Variants in FBN2 observed in about 807,000 individuals in gnomAD.
The protein encoded by FBN2 is fibrillin 2.
In FBN2, 105 loss-of-function variants were observed where a neutral mutation model predicts 355.6. That is an observed-to-expected ratio of 0.30 (90% CI 0.25 to 0.35). The LOEUF is 0.35. Ranked by LOEUF, FBN2 falls within the 10% of genes least tolerant of loss-of-function variation. The probability of loss-of-function intolerance (pLI) is 1.00; values close to 1 mark genes in which losing one functional copy is unlikely to be tolerated. For synonymous variants in FBN2, 1,350 were observed against 1,301.2 expected, an observed-to-expected ratio of 1.04 and a Z score of -0.81; for missense variants, 3,280 against 3,758.7, an observed-to-expected ratio of 0.87 and a Z score of 3.33.
chr5:128,301,028 A>C, intron 47 of FBN2, 92 bp from the exon 48 acceptor site: 2 of 1,212,104 alleles, frequency 1.7e-6, no homozygotes, highest in Non-Finnish European at 2.4e-6. Context: ...ACATGAATTC[A>C]ACTCGGGTCC....
At chr5:128,388,828 C>T (rs991832153) in intron 11 of FBN2, among the ~76,000 whole-genome samples, 12 of 152,098 alleles carry the variant, frequency 7.9e-5, no homozygotes, top group African/African-American at 2.9e-4. Context: ...AGTTTGTCAT[C>T]TTGTACAGTA....
intron 2 of FBN2, among the ~76,000 whole-genome samples, chr5:128,531,506 T>C (rs1170954148): frequency 1.3e-5 from 2 of 152,074 alleles, no homozygotes. Context: ...AAATCACCAC[T>C]AAAGGACATA....
intron 7 of FBN2, among the ~76,000 whole-genome samples, chr5:128,410,476 T>C (rs1421793834): frequency 6.6e-6 from 1 of 152,228 alleles, no homozygotes; most frequent in Non-Finnish European, 1.5e-5. Flanking sequence ...CTTCTCACTC[T>C]CTTAACATCT....
intron 5 of FBN2, among the ~76,000 whole-genome samples, chr5:128,516,184 C>G (rs1312598356): frequency 6.6e-6 from 1 of 152,128 alleles, no homozygotes; most frequent in East Asian, 1.9e-4. Context: ...AGGGAAAAAA[C>G]CCATCAGGTC....
In FBN2 at chr5:128,310,388, ATATATATATATATATTTTTTTTT is replaced by A. The variant is rs1172139937; in HGVS notation, c.5075-303_5075-281del. On this transcript the variant is annotated intron_variant, in intron 39 of 64. Coordinates refer to ENST00000262464, the MANE Select transcript of FBN2 (RefSeq NM_001999.4). Reference sequence around the variant, plus strand: ...CACATATATATATATATATATATATATATATATATATATATTTTTTTTTTTTTTTTTTTATTGCAATTCGCATT... The same window carrying A: ...CACATATATATATATATATATATATATTTTTTTTTTATTGCAATTCGCATT... Among the ~76,000 whole-genome samples the A allele has an allele frequency of 3.2e-4, 24 of 74,072 alleles. 1 individual carries two copies. Among genetic ancestry groups the A allele is most frequent in the Non-Finnish European group, 5.0e-4 (21 of 42,084 alleles). 48.6% of individuals were successfully genotyped at this position (74,072 alleles called of 152,430 possible). A position where few individuals can be genotyped will look rare whatever the true frequency, so the allele number is the denominator to read the frequency against.
intron 5 of FBN2, among the ~76,000 whole-genome samples, chr5:128,477,327 G>A (rs1300790628): frequency 6.6e-6 from 1 of 152,034 alleles, no homozygotes; most frequent in African/African-American, 2.4e-5. Context: ...ACAGAGAAAT[G>A]GGGAATATCA....
chr5:128,387,936 G>C (rs1476183627), intron 11 of FBN2, among the ~76,000 whole-genome samples: 3 of 152,132 alleles, frequency 2.0e-5, no homozygotes, highest in African/African-American at 4.8e-5. Flanking sequence ...AATACTGTCA[G>C]TGGGGTGTTA....
intron 53 of FBN2, among the ~76,000 whole-genome samples, chr5:128,288,157 C>A (rs1261845430): frequency 6.6e-6 from 1 of 152,098 alleles, no homozygotes; most frequent in Non-Finnish European, 1.5e-5. Flanking sequence ...ACTGAAAAGG[C>A]AGGAAACTGT....
chr5:128,512,632 T>C (rs1305772386), intron 5 of FBN2, among the ~76,000 whole-genome samples: 1 of 152,176 alleles, frequency 6.6e-6, no homozygotes, highest in African/African-American at 2.4e-5. Context: ...CATTTCTTGT[T>C]TAAATCTCAT....
At chr5:128,412,713 T>C (rs762302680) in intron 7 of FBN2, among the ~76,000 whole-genome samples, 1 of 152,222 alleles carries the variant, frequency 6.6e-6, no homozygotes, top group Non-Finnish European at 1.5e-5. Context: ...TGCTAAATCC[T>C]GAAAAGCCAA....
intron 7 of FBN2, 39 bp downstream of exon 7, chr5:128,446,442 G>C: frequency 6.2e-7 from 1 of 1,609,086 alleles, no homozygotes; most frequent in Non-Finnish European, 8.5e-7. Flanking sequence ...TTGCATTAAA[G>C]TCACAATTAG....
At chr5:128,442,388 A>C in intron 7 of FBN2, 1 of 456,468 alleles carries the variant, frequency 2.2e-6, no homozygotes, top group South Asian at 1.6e-5. Flanking sequence ...ATTCAAACGA[A>C]AATACTTTAT....
intron 5 of FBN2, among the ~76,000 whole-genome samples, chr5:128,517,747 A>T (rs991540357): frequency 6.6e-5 from 10 of 152,190 alleles, no homozygotes; most frequent in Non-Finnish European, 1.0e-4. Flanking sequence ...TTAAAATATA[A>T]GGCTTTTTCA....
At position 128,394,536 on chromosome 5, in the gene FBN2, G is replaced by GCTCT. The variant is rs1253419334; in HGVS notation, c.1231+582_1231+585dup. ...AGTTTTCTTCCTCATAGATATTTGA[G>GCTCT]CTCTGGATGAAAGATCAGGAGGTTT... On this transcript the variant is annotated intron_variant, in intron 9 of 64. Coordinates refer to ENST00000262464, the MANE Select transcript of FBN2 (RefSeq NM_001999.4). 6.6e-5 allele frequency among the ~76,000 whole-genome samples: 10 copies of GCTCT among 152,230 alleles called. No homozygotes were observed. In the South Asian group the frequency reaches 8.3e-4, roughly 13 times the overall value.
chr5:128,521,415 G>A (rs1432371219), intron 4 of FBN2, among the ~76,000 whole-genome samples: 2 of 152,216 alleles, frequency 1.3e-5, no homozygotes, highest in East Asian at 3.9e-4. Flanking sequence ...TAATGCATGC[G>A]GGGCTTAATA....
At chr5:128,297,245 C>T (rs185330999) in intron 48 of FBN2, among the ~76,000 whole-genome samples, 3 of 152,212 alleles carry the variant, frequency 2.0e-5, no homozygotes, top group Admixed American at 6.5e-5. Context: ...CTGAGGAGAG[C>T]TTTACTTCCA....
At chr5:128,518,677 A>T (rs1214540778) in intron 5 of FBN2, among the ~76,000 whole-genome samples, 2 of 152,142 alleles carry the variant, frequency 1.3e-5, no homozygotes, top group African/African-American at 2.4e-5. Context: ...CTGTCTCAAG[A>T]GGTGAAGAAG....
In FBN2 at chr5:128,336,086, T is replaced by A. The variant is rs527944843; in HGVS notation, c.3626A>T (p.Asn1209Ile). The change falls in exon 28 of 65, where the codon AAT becomes ATT. Residue 1209 changes from asparagine to isoleucine, a missense_variant. This residue lies in a region of FBN2 where 2,284 missense variants were observed against 2,749.5 expected (regional missense o/e 0.83). Coordinates refer to ENST00000262464, the MANE Select transcript of FBN2 (RefSeq NM_001999.4). Reference protein sequence around the residue: ...VDINECSLSDNLCRNGKCVNM... With the variant: ...VDINECSLSDILCRNGKCVNM... ...CACACATTTTCCATTTCTGCAGAGA[T>A]TGTCACTCAGGGAGCATTCATTAAT... 4 of 1,613,522 alleles carry A rather than the reference T, an allele frequency of 2.5e-6. No homozygotes were observed. The East Asian group carries it at 6.7e-5, about 27-fold the overall frequency.
At chr5:128,307,109 A>C in intron 42 of FBN2, 26 bp downstream of exon 42, 1 of 1,491,844 alleles carries the variant, frequency 6.7e-7, no homozygotes, top group Non-Finnish European at 9.4e-7. Context: ...TATGTATTAA[A>C]ACAAACATAA....
Sources: gnomAD v4.1 joint callset for allele counts (sites outside exome capture counted in the v4.1 genomes callset) on GRCh38, gnomAD v4.1.1 for gene constraint, gnomAD v4.1.1 regional missense constraint, MANE v1.5 for transcripts, NCBI Gene and HGNC (gene_info 2026-07-23, HGNC 2026-07-21) for gene names.